Variants in COPZ1 observed in about 807,000 individuals in gnomAD.
The protein encoded by COPZ1 is coat protein complex I subunit zeta 1.
A neutral mutation model predicts 31.7 loss-of-function variants in COPZ1; 4 were observed. The observed-to-expected ratio is 0.13, with a 90% CI of 0.06 to 0.29. COPZ1 has a LOEUF of 0.29. Among genes scored for constraint, COPZ1 ranks in the 10% least tolerant of loss-of-function variants. The pLI, the probability that COPZ1 is intolerant of heterozygous loss-of-function variation, is 1.00. For synonymous variants in COPZ1, 74 were observed against 79.0 expected (o/e 0.94, Z 0.33); for missense variants, 156 against 211.5 (o/e 0.74, Z 1.63).
intron 6 of COPZ1, 70 bp from the exon 7 acceptor site, chr12:54,347,930 G>T: frequency 6.2e-7 from 1 of 1,605,028 alleles, no homozygotes; most frequent in Non-Finnish European, 8.5e-7. Context: ...GTGGCCAGAG[G>T]TCCTGTTCCC....
At chr12:54,342,944 C>T (rs1954000475) in intron 3 of COPZ1, among the ~76,000 whole-genome samples, 1 of 151,232 alleles carries the variant, frequency 6.6e-6, no homozygotes, top group Non-Finnish European at 1.5e-5. Context: ...GCAACCTCCG[C>T]CTCCCAGGTT....
chr12:54,337,153 A>G lies in COPZ1; in HGVS notation c.19-3394A>G, dbSNP rs1192576336. On this transcript the variant is annotated intron_variant, in intron 1 of 8. Coordinates refer to ENST00000262061, the MANE Select transcript of COPZ1 (RefSeq NM_016057.3). ...TGTTTTCTTGATAATAAAAACATAAATACATGAAAATCTGTCTAAGTCACC... is the reference window on the plus strand; with the variant it reads ...TGTTTTCTTGATAATAAAAACATAAGTACATGAAAATCTGTCTAAGTCACC... 3.2e-5 allele frequency: 17 copies of G among 532,190 alleles called. No homozygotes were observed. The East Asian group carries it at 4.9e-4, about 15-fold the overall frequency. The allele number at this position is 532,190 out of a possible 1,614,324, so 33.0% of individuals were successfully genotyped here.
intron 1 of COPZ1, 166 bp from the exon 2 acceptor site, chr12:54,340,380 TG>T: frequency 9.1e-7 from 1 of 1,102,670 alleles, no homozygotes; most frequent in Non-Finnish European, 1.2e-6. Flanking sequence ...TTACTTACCC[TG>T]GGTCTTTCTC....
chr12:54,336,832 GC>G (rs1263812808), intron 1 of COPZ1, among the ~76,000 whole-genome samples: 1 of 151,770 alleles, frequency 6.6e-6, no homozygotes, highest in Non-Finnish European at 1.5e-5. Context: ...GACCAGCCTG[GC>G]CAATTTGGTG....
chr12:54,349,548 C>G (rs944915931), intron 7 of COPZ1, 72 bp from the exon 8 acceptor site: 1 of 1,234,980 alleles, frequency 8.1e-7, no homozygotes, highest in Non-Finnish European at 1.2e-6. Flanking sequence ...TTTTTCTTCT[C>G]TAATACCAGA....
At chr12:54,342,392 TTTTTTTTTCCTTCTTCC>T in intron 3 of COPZ1, 105 bp downstream of exon 3, 1 of 805,442 alleles carries the variant, frequency 1.2e-6, no homozygotes, top group Admixed American at 2.2e-5. Context: ...TGCCTTTTTC[TTTTTTTTTCCTTCTTCC>T]CCTTGTATAA....
Position 54,342,227 on chromosome 12 carries a change from A to G in COPZ1, c.109A>G (p.Ser37Gly). The change falls in exon 3 of 9, where the codon AGT becomes GGT. Residue 37 changes from serine (S) to glycine (G), a missense_variant. Ser to Gly is a moderately conservative substitution (Grantham distance 56). Transcript: ENST00000262061. ...CCAGTACTATGACGACACCTACCCC[A>G]GTGTCAAGGAGCAAAAGGCCTTTGA... Reference protein sequence around the residue: ...FAKYYDDTYPSVKEQKAFEKN... With the variant: ...FAKYYDDTYPGVKEQKAFEKN... 3 of 1,613,686 alleles carry G rather than the reference A, an allele frequency of 1.9e-6. No individual in the cohort carries two copies. Among genetic ancestry groups the G allele is most frequent in the Admixed American group, 1.7e-5 (1 of 60,008 alleles).
chr12:54,338,176 T>C (rs1390199641), intron 1 of COPZ1, among the ~76,000 whole-genome samples: 1 of 152,226 alleles, frequency 6.6e-6, no homozygotes. Flanking sequence ...TGAATGTGGA[T>C]AGAGGAACAG....
At chr12:54,332,780 T>C (rs1953780652) in intron 1 of COPZ1, among the ~76,000 whole-genome samples, 1 of 151,536 alleles carries the variant, frequency 6.6e-6, no homozygotes, top group Non-Finnish European at 1.5e-5. Context: ...GGGAGCGTGG[T>C]TGCTGACCTT....
At chr12:54,342,704 A>C in intron 3 of COPZ1, 1 of 196,252 alleles carries the variant, frequency 5.1e-6, no homozygotes, top group Non-Finnish European at 1.1e-5. Flanking sequence ...GTGGTTACAG[A>C]AGATACATTT....
intron 1 of COPZ1, among the ~76,000 whole-genome samples, chr12:54,333,042 TTA>T (rs1242946222): frequency 2.6e-5 from 4 of 151,978 alleles, no homozygotes; most frequent in Non-Finnish European, 5.9e-5. Context: ...TTATTTTTAT[TTA>T]TATATATATT....
At chr12:54,335,283 A>G (rs1269563584) in intron 1 of COPZ1, among the ~76,000 whole-genome samples, 1 of 151,598 alleles carries the variant, frequency 6.6e-6, no homozygotes, top group East Asian at 1.9e-4. Flanking sequence ...TCTAGTTTTT[A>G]CCTTCTTAGT....
intron 1 of COPZ1, among the ~76,000 whole-genome samples, chr12:54,335,697 G>T (rs370958360): frequency 1.0e-3 from 150 of 148,628 alleles, no homozygotes; most frequent in African/African-American, 3.6e-3. Flanking sequence ...TTTTTGAGGC[G>T]GTCTCACTCT....
At chr12:54,343,163 T>C in intron 3 of COPZ1, 62 bp from the exon 4 acceptor site, 2 of 1,337,910 alleles carry the variant, frequency 1.5e-6, no homozygotes, top group Non-Finnish European at 1.1e-6. Flanking sequence ...GGCTGGTAAC[T>C]CCTTCTTTCC....
intron 3 of COPZ1, 181 bp downstream of exon 3, chr12:54,342,468 T>C (rs1377996815): frequency 5.1e-6 from 3 of 587,142 alleles, no homozygotes; most frequent in Admixed American, 5.9e-5. Context: ...CACGCGGGAA[T>C]ACCATGCTGG....
At chr12:54,326,498 T>C (rs1257488812) in intron 1 of COPZ1, among the ~76,000 whole-genome samples, 3 of 148,246 alleles carry the variant, frequency 2.0e-5, no homozygotes. Flanking sequence ...TACATGAGAA[T>C]TGTGGTCGCT....
At chr12:54,326,958 ATTCTTT>A (rs1953660894) in intron 1 of COPZ1, among the ~76,000 whole-genome samples, 1 of 38,764 alleles carries the variant, frequency 2.6e-5, no homozygotes, top group African/African-American at 1.0e-4. Context: ...GTTAACAAGT[ATTCTTT>A]TTTTTTTTTT....
chr12:54,329,759 A>T (rs543326046), intron 1 of COPZ1, among the ~76,000 whole-genome samples: 167 of 152,260 alleles, frequency 1.1e-3, no homozygotes, highest in African/African-American at 3.9e-3. Flanking sequence ...ACCAAATCCT[A>T]AATTCTAAGC....
rs916753839 is a variant in COPZ1, at chr12:54,325,149, C to A, written c.-15C>A. 6 of 1,562,516 alleles carry A rather than the reference C, an allele frequency of 3.8e-6. No individual in the cohort carries two copies. The Admixed American group carries it at 5.7e-5, about 15-fold the overall frequency. ...TTCTTTTGCGGCTCCACGTCGGCACCAGCTGCGGGGCAAGATGGAGGCGCT... is the reference window on the plus strand; with the variant it reads ...TTCTTTTGCGGCTCCACGTCGGCACAAGCTGCGGGGCAAGATGGAGGCGCT... On this transcript the variant is annotated 5_prime_UTR_variant, in exon 1 of 9. Coordinates refer to ENST00000262061, the MANE Select transcript of COPZ1 (RefSeq NM_016057.3).
Sources: gnomAD v4.1 joint callset for allele counts (sites outside exome capture counted in the v4.1 genomes callset) on GRCh38, gnomAD v4.1.1 for gene constraint, MANE v1.5 for transcripts, NCBI Gene and HGNC (gene_info 2026-07-23, HGNC 2026-07-21) for gene names.